The following KIF5B variants were observed in gnomAD, a reference collection of about 807,000 sequenced individuals.
KIF5B encodes the protein kinesin family member 5B, also known as kinesin-1 heavy chain.
Under a neutral mutation model 132.8 loss-of-function variants are expected in KIF5B, and 49 were observed. That is an observed-to-expected ratio of 0.37 (90% CI 0.29 to 0.47). The LOEUF is 0.47. Among genes scored for constraint, KIF5B ranks in the 20% least tolerant of loss-of-function variants. KIF5B has a pLI of 1.00. For missense variants in KIF5B, 780 were observed against 1,144.0 expected (o/e 0.68, Z 4.59); for synonymous variants, 355 against 369.4 (o/e 0.96, Z 0.45).
intron 15 of KIF5B, among the ~76,000 whole-genome samples, chr10:32,026,510 G>A (rs1592443334): frequency 8.0e-6 from 1 of 124,810 alleles, no homozygotes; most frequent in Non-Finnish European, 1.6e-5. Flanking sequence ...AGAATTACTT[G>A]TTAATGACAA....
intron 1 of KIF5B, 137 bp downstream of exon 1, chr10:32,055,711 T>C (rs1453851885): frequency 5.7e-6 from 7 of 1,223,748 alleles, no homozygotes; most frequent in South Asian, 1.5e-5. Flanking sequence ...CTGGGTTATC[T>C]GAACCGGCAA....
rs1261325688 is a variant in KIF5B, at chr10:32,038,811, T to C, written c.409A>G (p.Ile137Val). Reference sequence around the variant, plus strand: ...AGGTCCCTTATCTTATCCAAATATATTTCAAAATATGAAACCTAAAGGGCA... The same window carrying C: ...AGGTCCCTTATCTTATCCAAATATACTTCAAAATATGAAACCTAAAGGGCA... ...EFHIKVSYFE[I>V]YLDKIRDLLD... is the part of the protein sequence containing the mutation. Residue 137 changes from isoleucine (I) to valine (V), a missense_variant, in exon 5 of 26, where the codon ATA (isoleucine) becomes GTA (valine). Coordinates refer to ENST00000302418, the MANE Select transcript of KIF5B (RefSeq NM_004521.3). 6.7e-7 allele frequency: 1 copy of C among 1,502,650 alleles called. No homozygotes were observed. Among genetic ancestry groups the C allele is most frequent in the Non-Finnish European group, 9.2e-7 (1 of 1,088,718 alleles). 93.1% of individuals were successfully genotyped at this position (1,502,650 alleles called of 1,614,324 possible).
intron 1 of KIF5B, among the ~76,000 whole-genome samples, chr10:32,052,180 T>C (rs539876381): frequency 6.6e-6 from 1 of 152,336 alleles, no homozygotes; most frequent in South Asian, 2.1e-4. Flanking sequence ...GATATGTCTT[T>C]CTCTGGAATT....
chr10:32,015,681 G>T, intron 24 of KIF5B, 22 bp from the exon 25 acceptor site: 1 of 1,591,556 alleles, frequency 6.3e-7, no homozygotes, highest in South Asian at 1.1e-5. Flanking sequence ...AATAAAGACA[G>T]ACTTTAGAAT....
rs746733075 is a variant in KIF5B at position 32,034,712 on chromosome 10, A to G, written c.1089T>C (p.Asn363=). The change falls in exon 11 of 26, where the codon AAT becomes AAC. Residue 363 remains asparagine, a synonymous_variant. Transcript: ENST00000302418. ...ILRNTIQWLE[N]ELNRWRNGET... ...TACCATTACGCCATCTGTTGAGCTC[A>G]TTTTCAAGCCACTGAATAGTGTTCC... 1.3e-6 allele frequency: 2 copies of G among 1,593,646 alleles called. No homozygotes were observed. Among genetic ancestry groups the G allele is most frequent in the East Asian group, 4.5e-5 (2 of 44,006 alleles).
At chr10:32,029,383 T>C (rs1009568456) in intron 14 of KIF5B, among the ~76,000 whole-genome samples, 1 of 152,214 alleles carries the variant, frequency 6.6e-6, no homozygotes, top group Non-Finnish European at 1.5e-5. Context: ...GGCTTCTGTA[T>C]TTGTAATGCC....
At chr10:32,017,972 A>T (rs1484741232) in intron 23 of KIF5B, 80 bp downstream of exon 23, 1 of 664,394 alleles carries the variant, frequency 1.5e-6, no homozygotes, top group African/African-American at 1.8e-5. Context: ...GGACTCTGAA[A>T]GATTGAAATA....
intron 15 of KIF5B, among the ~76,000 whole-genome samples, chr10:32,025,399 A>C (rs558709799): frequency 6.6e-6 from 1 of 152,278 alleles, no homozygotes; most frequent in East Asian, 1.9e-4. Flanking sequence ...TTTTGGAGAC[A>C]GAGTCTCACT....
chr10:32,056,316 A>G lies in KIF5B; in HGVS notation c.-343T>C, dbSNP rs1179816069. Reference sequence around the variant, plus strand: ...GGTTCTGGGGACCGGGAGAGTGGCCACCTTCTTCCTCCTCGCGAAGAGCAG... The same window carrying G: ...GGTTCTGGGGACCGGGAGAGTGGCCGCCTTCTTCCTCCTCGCGAAGAGCAG... On this transcript the variant is annotated 5_prime_UTR_variant, in exon 1 of 26. Coordinates refer to ENST00000302418, the MANE Select transcript of KIF5B (RefSeq NM_004521.3). The G allele has an allele frequency of 7.1e-6, 2 of 282,968 alleles. No individual in the cohort carries two copies. The highest frequency in any genetic ancestry group is 1.3e-5 in the Non-Finnish European group (2 of 149,400). 17.5% of individuals were successfully genotyped at this position (282,968 alleles called of 1,614,324 possible). A position where few individuals can be genotyped will look rare whatever the true frequency, so the allele number is the denominator to read the frequency against.
At chr10:32,055,366 G>A (rs930149898) in intron 1 of KIF5B, among the ~76,000 whole-genome samples, 1 of 152,114 alleles carries the variant, frequency 6.6e-6, no homozygotes, top group African/African-American at 2.4e-5. Flanking sequence ...TTCAAGGACT[G>A]GTTATGTTTC....
intron 19 of KIF5B, among the ~76,000 whole-genome samples, 166 bp from the exon 20 acceptor site, chr10:32,020,125 A>C (rs888198672): frequency 6.6e-6 from 1 of 152,178 alleles, no homozygotes; most frequent in Admixed American, 6.5e-5. Flanking sequence ...TTGTGGACAT[A>C]CAAAATTTTT....
chr10:32,019,989 T>C (rs564061855), intron 19 of KIF5B, 30 bp from the exon 20 acceptor site: 1 of 1,359,932 alleles, frequency 7.4e-7, no homozygotes, highest in Admixed American at 2.0e-5. Flanking sequence ...ATTAACACAG[T>C]ATCAATATCA....
chr10:32,018,872 T>A (rs565766197), intron 20 of KIF5B, among the ~76,000 whole-genome samples: 4 of 152,140 alleles, frequency 2.6e-5, no homozygotes, highest in Admixed American at 2.6e-4. Flanking sequence ...TCTAAAAAAA[T>A]TTTTGTAGAG....
Position 32,018,251 on chromosome 10 carries a change from T to A in KIF5B, c.2439+65A>T. 2.1e-6 allele frequency: 3 copies of A among 1,446,602 alleles called. No homozygotes were observed. In the South Asian group the frequency reaches 4.2e-5, roughly 20 times the overall value. The allele number at this position is 1,446,602 out of a possible 1,614,324, so 89.6% of individuals were successfully genotyped here. A position where few individuals can be genotyped will look rare whatever the true frequency, so the allele number is the denominator to read the frequency against. ...GACTGTAAAGTTATTTCACTTTGAA[T>A]ACAAATAATTACCTAGAAGTAAGCA... On this transcript the variant is annotated intron_variant, in intron 22 of 25. Coordinates refer to ENST00000302418, the MANE Select transcript of KIF5B (RefSeq NM_004521.3).
In KIF5B at chr10:32,015,798, T is replaced by G. The variant is rs577835474; in HGVS notation, c.2762-139A>C. 128 of 666,698 alleles carry G rather than the reference T, an allele frequency of 1.9e-4. No individual in the cohort carries two copies. In the African/African-American group the frequency reaches 2.0e-3, roughly 11 times the overall value. The allele number at this position is 666,698 out of a possible 1,614,324, so 41.3% of individuals were successfully genotyped here. A position where few individuals can be genotyped will look rare whatever the true frequency, so the allele number is the denominator to read the frequency against. ...GCCTTTTTGTTTCTCCATCACTTTT[T>G]CTTTTCTGTAACATCCTTTTCTCTA... is the stretch of plus-strand genomic sequence containing the variant. On this transcript the variant is annotated intron_variant, in intron 24 of 25. Coordinates refer to ENST00000302418, the MANE Select transcript of KIF5B (RefSeq NM_004521.3).
In KIF5B at chr10:32,011,029, T is replaced by G. The variant is rs911283266; in HGVS notation, c.*508A>C. The G allele has an allele frequency of 6.6e-6, 1 of 152,124 alleles. No individual in the cohort carries two copies. Among genetic ancestry groups the G allele is most frequent in the South Asian group, 2.1e-4 (1 of 4,830 alleles). 9.4% of individuals were successfully genotyped at this position (152,124 alleles called of 1,614,324 possible). On this transcript the variant is annotated 3_prime_UTR_variant, in exon 26 of 26. Transcript: ENST00000302418. ...ACTGACTGGATATATTTTATGGGCA[T>G]GTAGTGTTGTTAAGTGGTAAAATTT...
chr10:32,041,287 CAG>C (rs1841535747), intron 2 of KIF5B, among the ~76,000 whole-genome samples: 1 of 150,326 alleles, frequency 6.7e-6, no homozygotes, highest in African/African-American at 2.4e-5. Context: ...TATATAACAA[CAG>C]TAATTTTCTT....
intron 8 of KIF5B, 135 bp downstream of exon 8, chr10:32,037,119 T>C: frequency 2.8e-6 from 2 of 715,268 alleles, no homozygotes; most frequent in Admixed American, 2.8e-5. Flanking sequence ...GGCACTGGCA[T>C]CAGCGGTTAC....
At chr10:32,052,737 T>C (rs1462474565) in intron 1 of KIF5B, among the ~76,000 whole-genome samples, 1 of 152,248 alleles carries the variant, frequency 6.6e-6, no homozygotes, top group African/African-American at 2.4e-5. Flanking sequence ...AAATAGTTTA[T>C]ATGTATATCG....
Sources: allele counts gnomAD v4.1 joint callset (sites outside exome capture counted in the v4.1 genomes callset), GRCh38; gene constraint gnomAD v4.1.1; transcripts MANE v1.5; gene names NCBI Gene and HGNC (gene_info 2026-07-23, HGNC 2026-07-21).